Variants in TTBK2 observed in about 807,000 individuals in gnomAD.
The protein encoded by TTBK2 is tau tubulin kinase 2.
A neutral mutation model predicts 110.8 loss-of-function variants in TTBK2; 28 were observed. The observed-to-expected ratio is 0.25, with a 90% CI of 0.19 to 0.35. The LOEUF (loss-of-function observed/expected upper bound fraction) is 0.35, where lower values mean the gene tolerates loss of function less well. Among genes scored for constraint, TTBK2 ranks in the 10% least tolerant of loss-of-function variants. The probability of loss-of-function intolerance (pLI) is 1.00; values close to 1 mark genes in which losing one functional copy is unlikely to be tolerated. For synonymous variants in TTBK2, 532 were observed against 527.3 expected, an observed-to-expected ratio of 1.01 and a Z score of -0.12; for missense variants, 1,369 against 1,500.3, an observed-to-expected ratio of 0.91 and a Z score of 1.45.
At chr15:42,833,727 G>T (rs1479749768) in intron 4 of TTBK2, among the ~76,000 whole-genome samples, 2 of 151,714 alleles carry the variant, frequency 1.3e-5, no homozygotes, top group African/African-American at 4.8e-5. Flanking sequence ...TAAAAAGTTA[G>T]GGCCAGGCAT....
At chr15:42,858,201 A>AC (rs1480308218) in intron 3 of TTBK2, among the ~76,000 whole-genome samples, 1 of 152,134 alleles carries the variant, frequency 6.6e-6, no homozygotes, top group Non-Finnish European at 1.5e-5. Flanking sequence ...ATCTCCAAAC[A>AC]CCCCCTACCC....
chr15:42,911,880 G>C (rs2030773992), intron 1 of TTBK2, among the ~76,000 whole-genome samples: 1 of 152,018 alleles, frequency 6.6e-6, no homozygotes, highest in South Asian at 2.1e-4. Context: ...CCAATCTTTT[G>C]GCTTCTCCAG....
In TTBK2 at chr15:42,746,164, G is replaced by C; in HGVS notation, c.3366C>G (p.Pro1122=). ...GACTCTTGCACTGAGTAGTGCTCCGGGGTTTCTGAGATCCATTTTGAAGAA... is the reference window on the plus strand; with the variant it reads ...GACTCTTGCACTGAGTAGTGCTCCGCGGTTTCTGAGATCCATTTTGAAGAA... ...AQILQNGSQK[P]RSTTQCKSPG... is the part of the protein sequence containing the mutation. The change falls in exon 15 of 15, where the codon CCC becomes CCG. Residue 1122 remains proline, a synonymous_variant. Transcript: ENST00000267890. 1 of 1,614,178 alleles carries C rather than the reference G, an allele frequency of 6.2e-7. No individual in the cohort carries two copies. The highest frequency in any genetic ancestry group is 8.5e-7 in the Non-Finnish European group (1 of 1,180,032).
intron 1 of TTBK2, among the ~76,000 whole-genome samples, chr15:42,904,194 T>C (rs1268690138): frequency 6.6e-6 from 1 of 152,198 alleles, no homozygotes; most frequent in Non-Finnish European, 1.5e-5. Flanking sequence ...AGATAATAAA[T>C]GTTGTTTTAA....
chr15:42,916,012 G>GAAAA (rs1221626005), intron 1 of TTBK2, among the ~76,000 whole-genome samples: 6 of 152,032 alleles, frequency 3.9e-5, no homozygotes, highest in Admixed American at 2.6e-4. Flanking sequence ...AAAGAAAAAA[G>GAAAA]AAAAAAGAAA....
intron 3 of TTBK2, among the ~76,000 whole-genome samples, chr15:42,841,225 G>C (rs1893206080): frequency 6.6e-6 from 1 of 151,804 alleles, no homozygotes; most frequent in Non-Finnish European, 1.5e-5. Context: ...TTATTTTTTT[G>C]AGACAGGGTC....
rs1233041353 is a variant in TTBK2, at chr15:42,739,476, G to A, written c.*6319C>T. 6.6e-6 allele frequency: 1 copy of A among 152,134 alleles called. No individual in the cohort carries two copies. The highest frequency in any genetic ancestry group is 1.5e-5 in the Non-Finnish European group (1 of 68,032). The allele number at this position is 152,134 out of a possible 1,614,324, so 9.4% of individuals were successfully genotyped here. ...TTCCCTAAAAGCTGGGAACTTGTAA[G>A]TAAATGGCCTAGTGAAATAGACACT... On this transcript the variant is annotated 3_prime_UTR_variant, in exon 15 of 15. Coordinates refer to ENST00000267890, the MANE Select transcript of TTBK2 (RefSeq NM_173500.4).
intron 9 of TTBK2, chr15:42,798,133 C>T: frequency 2.3e-6 from 1 of 437,478 alleles, no homozygotes; most frequent in Non-Finnish European, 4.6e-6. Context: ...ATCCACCCAC[C>T]TCGGCCTCCC....
chr15:42,890,342 G>A (rs897959346), intron 1 of TTBK2, among the ~76,000 whole-genome samples: 13 of 152,114 alleles, frequency 8.5e-5, no homozygotes, highest in African/African-American at 3.1e-4. Flanking sequence ...CTCTTCATAT[G>A]GACATGAGAC....
intron 6 of TTBK2, among the ~76,000 whole-genome samples, chr15:42,819,751 T>C: frequency 6.6e-6 from 1 of 152,322 alleles, no homozygotes. Flanking sequence ...TAGAAGAAAA[T>C]TGTCTAAGAG....
rs1404195608 is a variant in TTBK2 at position 42,777,130 on chromosome 15, A to G, written c.1310T>C (p.Ile437Thr). 2 of 1,614,220 alleles carry G rather than the reference A, an allele frequency of 1.2e-6. No homozygotes were observed. The highest frequency in any genetic ancestry group is 1.1e-5 in the South Asian group (1 of 91,090). Residue 437 changes from isoleucine (I) to threonine (T), a missense_variant, in exon 12 of 15, where the codon ATT (isoleucine) becomes ACT (threonine). Physicochemically the swap from Ile to Thr is moderately conservative, Grantham distance 89. Transcript: ENST00000267890. ...RSEITQPDRD[I>T]PLVRKLRSIH... ...GGAACGTAACTTTCGCACCAGTGGA[A>G]TATCTCTGTCTGGCTGAGTAATCTC...
chr15:42,801,242 G>C (rs1316994059), intron 9 of TTBK2: 4 of 1,537,048 alleles, frequency 2.6e-6, no homozygotes, highest in South Asian at 2.3e-5. Flanking sequence ...ACAGCTTCCT[G>C]TAGGTGGCGA....
Position 42,745,826 on chromosome 15 carries a change from T to G in TTBK2, c.3704A>C (p.Lys1235Thr). The G allele has an allele frequency of 6.2e-7, 1 of 1,614,174 alleles. No individual in the cohort carries two copies. The highest frequency in any genetic ancestry group is 2.2e-5 in the East Asian group (1 of 44,888). ...HSASTKTPQG[K>T]SKPASKLSR Reference sequence around the variant, plus strand: ...GCTGAGTTTACTGGCTGGCTTACTCTTCCCTTGGGGGGTTTTAGTGCTGGC... The same window carrying G: ...GCTGAGTTTACTGGCTGGCTTACTCGTCCCTTGGGGGGTTTTAGTGCTGGC... The change falls in exon 15 of 15, where the codon AAG (lysine) becomes ACG (threonine). Residue 1235 changes from lysine (K) to threonine (T), a missense_variant. By Grantham distance (78) the Lys-to-Thr change is moderately conservative (BLOSUM62 -1). Transcript: ENST00000267890.
intron 4 of TTBK2, 73 bp downstream of exon 4, chr15:42,840,287 A>T: frequency 8.6e-7 from 1 of 1,163,724 alleles, no homozygotes; most frequent in African/African-American, 1.5e-5. Context: ...GTTACTTTTT[A>T]TTCATATTCA....
At chr15:42,840,480 C>T in intron 3 of TTBK2, 47 bp from the exon 4 acceptor site, 2 of 1,521,638 alleles carry the variant, frequency 1.3e-6, no homozygotes, top group Non-Finnish European at 1.8e-6. Context: ...TATGGTTTCT[C>T]TTAAAAAATT....
intron 13 of TTBK2, among the ~76,000 whole-genome samples, chr15:42,758,680 C>T (rs1324557126): frequency 2.0e-5 from 3 of 149,902 alleles, no homozygotes; most frequent in Admixed American, 6.6e-5. Context: ...AAAAAAGAAG[C>T]CCAAGAAGGC....
intron 11 of TTBK2, among the ~76,000 whole-genome samples, chr15:42,781,389 CAG>C (rs1336868249): frequency 2.0e-5 from 3 of 152,000 alleles, no homozygotes; most frequent in Non-Finnish European, 2.9e-5. Flanking sequence ...AATACAGTAA[CAG>C]AGATATTCAT....
At chr15:42,905,480 C>T (rs2030336278) in intron 1 of TTBK2, among the ~76,000 whole-genome samples, 1 of 152,130 alleles carries the variant, frequency 6.6e-6, no homozygotes, top group Non-Finnish European at 1.5e-5. Flanking sequence ...TGGTCTCAAA[C>T]TCCTGAATTC....
chr15:42,860,644 T>C (rs545914084), intron 3 of TTBK2, among the ~76,000 whole-genome samples: 646 of 146,522 alleles, frequency 4.4e-3, no homozygotes, highest in Non-Finnish European at 5.9e-3. Context: ...TTCTTTCTTT[T>C]TTTTTTTTTT....
Sources: allele counts gnomAD v4.1 joint callset (sites outside exome capture counted in the v4.1 genomes callset), GRCh38; gene constraint gnomAD v4.1.1; transcripts MANE v1.5; gene names NCBI Gene and HGNC (gene_info 2026-07-23, HGNC 2026-07-21).